SELENBP1: variants seen among roughly 807,000 people sequenced by gnomAD.
SELENBP1 encodes methanethiol oxidase.
In SELENBP1, 71 loss-of-function variants were observed where a neutral mutation model predicts 61.0. That is an observed-to-expected ratio of 1.16 (90% CI 0.96 to 1.42). SELENBP1 has a LOEUF of 1.42. SELENBP1 is among the 40% of genes most tolerant of loss of function. SELENBP1 has a pLI of 0.00. For synonymous variants in SELENBP1, 270 were observed against 238.9 expected, an observed-to-expected ratio of 1.13 and a Z score of -1.20; for missense variants, 561 against 605.0, an observed-to-expected ratio of 0.93 and a Z score of 0.76.
intron 4 of SELENBP1, 106 bp from the exon 5 acceptor site, chr1:151,368,425 T>C: frequency 6.9e-7 from 1 of 1,457,884 alleles, no homozygotes; most frequent in Non-Finnish European, 9.4e-7. Flanking sequence ...CATCTTTTCC[T>C]TCAAAACATG....
intron 1 of SELENBP1, among the ~76,000 whole-genome samples, chr1:151,371,411 T>C (rs1459332641): frequency 7.7e-6 from 1 of 129,080 alleles, no homozygotes; most frequent in Non-Finnish European, 1.7e-5. Context: ...AAATTCTGAC[T>C]AAAAAAAAAA....
chr1:151,366,235 C>A, intron 7 of SELENBP1, 40 bp downstream of exon 7: 1 of 1,592,652 alleles, frequency 6.3e-7, no homozygotes, highest in Non-Finnish European at 8.6e-7. Flanking sequence ...GAGCTGCTGA[C>A]AAGACTACTG....
chr1:151,367,049 A>G (rs1571281952), intron 5 of SELENBP1, 145 bp from the exon 6 acceptor site: 4 of 1,451,638 alleles, frequency 2.8e-6, no homozygotes, highest in East Asian at 4.9e-5. Context: ...CCTTAAATTC[A>G]GGCATCCAGG....
intron 5 of SELENBP1, 73 bp downstream of exon 5, chr1:151,368,126 C>G: frequency 6.4e-7 from 1 of 1,574,230 alleles, no homozygotes; most frequent in Non-Finnish European, 8.7e-7. Context: ...CCATTCTGCT[C>G]CTCCCACAGA....
chr1:151,369,604 T>C (rs778835358), intron 2 of SELENBP1, 50 bp from the exon 3 acceptor site: 3 of 1,560,234 alleles, frequency 1.9e-6, no homozygotes, highest in East Asian at 2.4e-5. Context: ...GAAGGAAAGG[T>C]AGGGGAAGTG....
chr1:151,365,193 A>G lies in SELENBP1; in HGVS notation c.1133T>C (p.Val378Ala), dbSNP rs781185794. 1 of 1,613,684 alleles carries G rather than the reference A, an allele frequency of 6.2e-7. No individual in the cohort carries two copies. Among genetic ancestry groups the G allele is most frequent in the Non-Finnish European group, 8.5e-7 (1 of 1,179,766 alleles). Residue 378 changes from valine to alanine, a missense_variant, in exon 10 of 12, where the codon GTC becomes GCC. Transcript: ENST00000368868. ...ELKSQPEPLV[V>A]KGKRVAGGPQ... is the part of the protein sequence containing the mutation. ...AGTAGGGGGAGAGGCTCTTACCTTG[A>G]CCACTAGGGGCTCTGGCTGGGACTT...
At chr1:151,365,404 G>T in intron 9 of SELENBP1, 123 bp from the exon 10 acceptor site, 1 of 1,466,666 alleles carries the variant, frequency 6.8e-7, no homozygotes. Flanking sequence ...GCCCATCCCT[G>T]GCCTGGACAG....
intron 7 of SELENBP1, 173 bp downstream of exon 7, chr1:151,366,102 C>G: frequency 2.5e-6 from 2 of 815,546 alleles, no homozygotes; most frequent in Non-Finnish European, 3.9e-6. Context: ...TGGATAAATA[C>G]GGCCAGTTAG....
chr1:151,364,651 C>T lies in SELENBP1; in HGVS notation c.1311G>A (p.Lys437=), dbSNP rs552697768. The T allele has an allele frequency of 6.2e-7, 1 of 1,612,252 alleles. No individual in the cohort carries two copies. Residue 437 remains lysine, a synonymous_variant, in exon 12 of 12, where the codon AAG becomes AAA. Coordinates refer to ENST00000368868, the MANE Select transcript of SELENBP1 (RefSeq NM_003944.4). ...AGTCCACCAGGAAGTTGGGGTTCAA[C>T]TTCAGCCCTCCTTTTACTGTGTCTA... ...VDVDTVKGGL[K]LNPNFLVDFG...
At chr1:151,365,871 G>A (rs370612586) in intron 7 of SELENBP1, 25 bp from the exon 8 acceptor site, 346 of 1,612,526 alleles carry the variant, frequency 2.1e-4, no homozygotes, top group Non-Finnish European at 2.6e-4. Flanking sequence ...GGAGGGTGAG[G>A]TTAGCTGGCA....
At position 151,365,203 on chromosome 1, in the gene SELENBP1, G is replaced by C. The variant is rs745676961; in HGVS notation, c.1123C>G (p.Pro375Ala). The C allele has an allele frequency of 2.5e-6, 4 of 1,613,684 alleles. No individual in the cohort carries two copies. Among genetic ancestry groups the C allele is most frequent in the Admixed American group, 1.7e-5 (1 of 59,954 alleles). ...EDEELKSQPE[P>A]LVVKGKRVAG... Reference sequence around the variant, plus strand: ...GAGGCTCTTACCTTGACCACTAGGGGCTCTGGCTGGGACTTTAGTTCCTCG... The same window carrying C: ...GAGGCTCTTACCTTGACCACTAGGGCCTCTGGCTGGGACTTTAGTTCCTCG... The change falls in exon 10 of 12, where the codon CCC (proline) becomes GCC (alanine). Residue 375 changes from proline (P) to alanine (A), a missense_variant. By Grantham distance (27) the Pro-to-Ala change is conservative. Transcript: ENST00000368868.
chr1:151,365,653 G>A lies in SELENBP1; in HGVS notation c.954C>T (p.Asp318=), dbSNP rs778395798. The A allele has an allele frequency of 2.2e-5, 35 of 1,614,052 alleles. No homozygotes were observed. Among genetic ancestry groups the A allele is most frequent in the East Asian group, 6.7e-5 (3 of 44,888 alleles). ...AGTTGCTGAAGTAGAGGAAGCGGTCGTCCAGGGAGAGCAGGATGTCGGTGA... is the reference window on the plus strand; with the variant it reads ...AGTTGCTGAAGTAGAGGAAGCGGTCATCCAGGGAGAGCAGGATGTCGGTGA... ...GLITDILLSL[D]DRFLYFSNWL... is the part of the protein sequence containing the mutation. Residue 318 remains aspartate (D), a synonymous_variant, in exon 9 of 12, where the codon GAC becomes GAT. Coordinates refer to ENST00000368868, the MANE Select transcript of SELENBP1 (RefSeq NM_003944.4).
Position 151,365,839 on chromosome 1 carries a change from G to A in SELENBP1, c.851C>T (p.Thr284Ile). The change falls in exon 8 of 12, where the codon ACA (threonine) becomes ATA (isoleucine). Residue 284 changes from threonine to isoleucine, a missense_variant. Coordinates refer to ENST00000368868, the MANE Select transcript of SELENBP1 (RefSeq NM_003944.4). The part of the protein sequence containing the change: ...IQRFYKNEGG[T>I]WSVEKVIQVP... The stretch of plus-strand genomic sequence containing the variant: ...CTGGATCACCTTCTCCACTGACCAT[G>A]TACCTCCCTACATTGAGGGGTGGAG... The A allele has an allele frequency of 6.2e-7, 1 of 1,614,066 alleles. No homozygotes were observed. Among genetic ancestry groups the A allele is most frequent in the South Asian group, 1.1e-5 (1 of 91,078 alleles).
At position 151,366,854 on chromosome 1, in the gene SELENBP1, C is replaced by G. The variant is rs372879328; in HGVS notation, c.532G>C (p.Glu178Gln). ...AACGGTGCAGCACCCCCAGGTCTCTCCCATGTCCCCTTCACCTCGAACGTC... is the reference window on the plus strand; with the variant it reads ...AACGGTGCAGCACCCCCAGGTCTCTGCCATGTCCCCTTCACCTCGAACGTC... ...GETFEVKGTW[E>Q]RPGGAAPLGY... Residue 178 changes from glutamate (E) to glutamine (Q), a missense_variant, in exon 6 of 12, where the codon GAG (glutamate) becomes CAG (glutamine). By Grantham distance (29) the Glu-to-Gln change is conservative. Transcript: ENST00000368868. 115 of 1,614,066 alleles carry G rather than the reference C, an allele frequency of 7.1e-5. No homozygotes were observed. The highest frequency in any genetic ancestry group is 9.4e-5 in the Non-Finnish European group (111 of 1,180,032).
At chr1:151,370,196 T>G in intron 1 of SELENBP1, 1 of 421,072 alleles carries the variant, frequency 2.4e-6, no homozygotes, top group East Asian at 3.9e-5. Flanking sequence ...ACAGTGGGCT[T>G]TTACGAGAAG....
At position 151,365,604 on chromosome 1, in the gene SELENBP1, A is replaced by T. The variant is rs1571279445; in HGVS notation, c.1003T>A (p.Tyr335Asn). 1.9e-6 allele frequency: 3 copies of T among 1,614,018 alleles called. No homozygotes were observed. The highest frequency in any genetic ancestry group is 2.5e-6 in the Non-Finnish European group (3 of 1,179,978). The part of the protein sequence containing the change: ...SNWLHGDLRQ[Y>N]DISDPQRPRL... The stretch of plus-strand genomic sequence containing the variant: ...GGTCTCTGTGGGTCAGAGATGTCAT[A>T]CTGCCTCAGGTCCCCATGCAGCCAG... Residue 335 changes from tyrosine to asparagine, a missense_variant, in exon 9 of 12, where the codon TAT becomes AAT. Physicochemically the swap from Tyr to Asn is moderately radical, Grantham distance 143. Transcript: ENST00000368868.
chr1:151,369,628 A>C lies in SELENBP1; in HGVS notation c.62-74T>G, dbSNP rs112925860. The C allele has an allele frequency of 2.5e-3, 3,889 of 1,548,270 alleles. 75 individuals carry two copies. In the African/African-American group the frequency reaches 0.047, roughly 19 times the overall value. ...GTAGGGGAAGTGCTGGGTGTGCCAG[A>C]GGGTGGGGGCTAGGTCTGAAGTCCC... is the stretch of plus-strand genomic sequence containing the variant. On this transcript the variant is annotated intron_variant, in intron 2 of 11. Coordinates refer to ENST00000368868, the MANE Select transcript of SELENBP1 (RefSeq NM_003944.4).
chr1:151,372,065 C>T (rs1382067061), intron 1 of SELENBP1, among the ~76,000 whole-genome samples: 1 of 152,138 alleles, frequency 6.6e-6, no homozygotes, highest in African/African-American at 2.4e-5. Flanking sequence ...GCCTGTCACC[C>T]AGAAGCCTAC....
Position 151,366,721 on chromosome 1 carries a change from C to G in SELENBP1, c.664+1G>C, listed in dbSNP as rs1172366509. ...CTGCTGGCACATGGGGGGATTCTCA[C>G]CAGCCTCCACATCAGCGGGGTTGAA... On this transcript the variant is annotated splice_donor_variant, in intron 6 of 11. Transcript: ENST00000368868. LOFTEE classifies it high-confidence loss of function. The G allele has an allele frequency of 3.1e-6, 5 of 1,612,804 alleles. No individual in the cohort carries two copies. The highest frequency in any genetic ancestry group is 3.4e-6 in the Non-Finnish European group (4 of 1,179,014).
Sources: gnomAD v4.1 joint callset for allele counts (sites outside exome capture counted in the v4.1 genomes callset) on GRCh38, gnomAD v4.1.1 for gene constraint, MANE v1.5 for transcripts, NCBI Gene and HGNC (gene_info 2026-07-23, HGNC 2026-07-21) for gene names.